Variants in PRKAR1B observed in about 807,000 individuals in gnomAD.
PRKAR1B encodes protein kinase cAMP-dependent type I regulatory subunit beta.
Under a neutral mutation model 46.5 loss-of-function variants are expected in PRKAR1B, and 22 were observed. That is an observed-to-expected ratio of 0.47 (90% CI 0.34 to 0.68). The LOEUF is 0.68. Ranked by LOEUF, PRKAR1B falls within the 30% of genes least tolerant of loss-of-function variation. The pLI is 0.01. For synonymous variants in PRKAR1B, 259 were observed against 217.7 expected (o/e 1.19, Z -1.67); for missense variants, 445 against 535.6 (o/e 0.83, Z 1.67).
At chr7:630,429 T>G (rs1186495020) in intron 4 of PRKAR1B, among the ~76,000 whole-genome samples, 1 of 152,174 alleles carries the variant, frequency 6.6e-6, no homozygotes, top group African/African-American at 2.4e-5. Context: ...GGGTCCTGGC[T>G]GGGGGTGCAA....
chr7:573,737 A>G (rs1226122527), intron 9 of PRKAR1B, among the ~76,000 whole-genome samples: 1 of 152,364 alleles, frequency 6.6e-6, no homozygotes, highest in African/African-American at 2.4e-5. Context: ...AGGGTCAGAA[A>G]GCGGAAAACA....
chr7:603,860 A>AGTGG (rs1232988511), intron 6 of PRKAR1B, among the ~76,000 whole-genome samples: 1 of 150,528 alleles, frequency 6.6e-6, no homozygotes, highest in Non-Finnish European at 1.5e-5. Flanking sequence ...CAGGACCCAG[A>AGTGG]ATGGACAGGG....
At chr7:658,644 T>C (rs1156811696) in intron 4 of PRKAR1B, among the ~76,000 whole-genome samples, 1 of 151,954 alleles carries the variant, frequency 6.6e-6, no homozygotes, top group African/African-American at 2.4e-5. Flanking sequence ...CACGATAAAA[T>C]GTTTTTTGTT....
At chr7:617,722 A>T (rs1051530098) in intron 4 of PRKAR1B, among the ~76,000 whole-genome samples, 2 of 152,188 alleles carry the variant, frequency 1.3e-5, no homozygotes, top group Non-Finnish European at 2.9e-5. Flanking sequence ...CAGGAGGCAG[A>T]GCCTGGGCCT....
intron 9 of PRKAR1B, among the ~76,000 whole-genome samples, chr7:574,855 G>C (rs1253172613): frequency 6.6e-6 from 1 of 152,238 alleles, no homozygotes; most frequent in Non-Finnish European, 1.5e-5. Flanking sequence ...GGGCCAGATT[G>C]AGCCTGTAAG....
chr7:589,482 T>A (rs1214472655), intron 7 of PRKAR1B, among the ~76,000 whole-genome samples: 9 of 151,816 alleles, frequency 5.9e-5, no homozygotes, highest in Non-Finnish European at 1.3e-4. Context: ...CGGCTCACTA[T>A]GCTGAATGCT....
At chr7:621,880 C>G (rs557093268) in intron 4 of PRKAR1B, among the ~76,000 whole-genome samples, 1 of 152,312 alleles carries the variant, frequency 6.6e-6, no homozygotes, top group South Asian at 2.1e-4. Flanking sequence ...GGGGCTCCCA[C>G]GGTCAGCAGC....
intron 1 of PRKAR1B, among the ~76,000 whole-genome samples, chr7:716,442 C>A (rs1050860529): frequency 3.9e-5 from 6 of 152,148 alleles, no homozygotes; most frequent in Non-Finnish European, 7.4e-5. Flanking sequence ...CAAGATTCAA[C>A]CAAAACGTTA....
At chr7:586,344 C>T (rs1382706041) in intron 7 of PRKAR1B, among the ~76,000 whole-genome samples, 5 of 151,720 alleles carry the variant, frequency 3.3e-5, no homozygotes, top group South Asian at 2.1e-4. Flanking sequence ...ACTAAGACCA[C>T]GATGAATAGG....
At chr7:681,127 T>G (rs561746086) in intron 2 of PRKAR1B, among the ~76,000 whole-genome samples, 2 of 152,124 alleles carry the variant, frequency 1.3e-5, no homozygotes, top group African/African-American at 2.4e-5. Context: ...CCCCCTTCAC[T>G]CAGCACTTCT....
At chr7:720,211 C>T (rs1010229867) in intron 1 of PRKAR1B, among the ~76,000 whole-genome samples, 2 of 152,108 alleles carry the variant, frequency 1.3e-5, no homozygotes, top group Non-Finnish European at 2.9e-5. Flanking sequence ...TGCGTGCCAC[C>T]ACACCCAGCT....
intron 4 of PRKAR1B, among the ~76,000 whole-genome samples, chr7:668,475 G>A (rs900479285): frequency 5.3e-5 from 8 of 152,182 alleles, no homozygotes; most frequent in East Asian, 1.9e-4. Context: ...CTGGGGCTTC[G>A]ATATGGAAAG....
chr7:611,878 GA>G (rs1562562084), intron 4 of PRKAR1B, among the ~76,000 whole-genome samples: 1 of 151,934 alleles, frequency 6.6e-6, no homozygotes, highest in African/African-American at 2.4e-5. Flanking sequence ...TGGATGGATG[GA>G]CAGGTGGGTG....
intron 4 of PRKAR1B, among the ~76,000 whole-genome samples, chr7:619,448 C>T (rs200031660): frequency 6.6e-6 from 1 of 152,218 alleles, no homozygotes; most frequent in Non-Finnish European, 1.5e-5. Flanking sequence ...TCATCACTCC[C>T]CTTATCCTCA....
chr7:680,547 G>T lies in PRKAR1B; in HGVS notation c.348+9C>A. On this transcript the variant is annotated intron_variant, in intron 3 of 10. Transcript: ENST00000537384. ...TGGGGACAGGAACCCCGTGACCCGT[G>T]AGCCTCACCTTCCTGACGTAGGACA... 1 of 1,605,442 alleles carries T rather than the reference G, an allele frequency of 6.2e-7. No homozygotes were observed. The highest frequency in any genetic ancestry group is 8.5e-7 in the Non-Finnish European group (1 of 1,178,224).
chr7:726,932 G>A, intron 1 of PRKAR1B: 2 of 1,342,266 alleles, frequency 1.5e-6, no homozygotes, highest in Non-Finnish European at 1.9e-6. Context: ...GCTTTCCAGG[G>A]CCCCTGGGCG....
chr7:564,535 G>T (rs1308647010), intron 9 of PRKAR1B, among the ~76,000 whole-genome samples: 1 of 152,192 alleles, frequency 6.6e-6, no homozygotes, highest in Non-Finnish European at 1.5e-5. Flanking sequence ...CACACACTCA[G>T]GTCCCCGCCC....
rs555312320 is a variant in PRKAR1B, at chr7:591,299, G to A, written c.708+4847C>T. On this transcript the variant is annotated intron_variant, in intron 7 of 10. Coordinates refer to ENST00000537384, the MANE Select transcript of PRKAR1B (RefSeq NM_001164760.2). ...GGCCGGTGGGCACTGGGACCCCCACGTGGGGGCTCTGCAGTGTGTCTGCCG... is the reference window on the plus strand; with the variant it reads ...GGCCGGTGGGCACTGGGACCCCCACATGGGGGCTCTGCAGTGTGTCTGCCG... Among the ~76,000 whole-genome samples, 8 of 152,352 alleles carry A rather than the reference G, an allele frequency of 5.3e-5. No homozygotes were observed. In the East Asian group the frequency reaches 5.8e-4, roughly 11 times the overall value.
At chr7:625,044 A>G (rs907215368) in intron 4 of PRKAR1B, among the ~76,000 whole-genome samples, 1 of 152,228 alleles carries the variant, frequency 6.6e-6, no homozygotes, top group African/African-American at 2.4e-5. Context: ...GTAAAAGAAC[A>G]GAAATCATAT....
Sources: gnomAD v4.1 joint callset for allele counts (sites outside exome capture counted in the v4.1 genomes callset) on GRCh38, gnomAD v4.1.1 for gene constraint, MANE v1.5 for transcripts, NCBI Gene and HGNC (gene_info 2026-07-23, HGNC 2026-07-21) for gene names.